The following SAMSN1 variants were observed in gnomAD, a reference collection of about 807,000 sequenced individuals.
The protein encoded by SAMSN1 is SAM domain-containing protein SAMSN-1.
In SAMSN1, 31 loss-of-function variants were observed where a neutral mutation model predicts 42.0. That is an observed-to-expected ratio of 0.74 (90% CI 0.55 to 1.00). The LOEUF (loss-of-function observed/expected upper bound fraction) is 1.00, where lower values mean the gene tolerates loss of function less well. Among genes scored for constraint, SAMSN1 ranks in the 50% least tolerant of loss-of-function variants. The pLI is 0.00. For missense variants in SAMSN1, 464 were observed against 439.4 expected (o/e 1.06, Z -0.50); for synonymous variants, 178 against 151.9 (o/e 1.17, Z -1.26).
intron 1 of SAMSN1, chr21:14,583,312 G>A (rs2822791): frequency 0.074 from 14,985 of 202,382 alleles, 1,662 homozygotes; most frequent in African/African-American, 0.27. Flanking sequence ...TGCATGCCAT[G>A]GACATACCAA....
chr21:14,623,803 C>T (rs1983085808), intron 2 of SAMSN1, among the ~76,000 whole-genome samples: 1 of 152,158 alleles, frequency 6.6e-6, no homozygotes, highest in South Asian at 2.1e-4. Flanking sequence ...AACTCTCCAC[C>T]CCAATTCAAC....
In SAMSN1 at chr21:14,486,064, T is replaced by C; in HGVS notation, c.970A>G (p.Ile324Val). The change falls in exon 8 of 8, where the codon ATC becomes GTC. Residue 324 changes from isoleucine (I) to valine (V), a missense_variant. By Grantham distance (29) the Ile-to-Val change is conservative (BLOSUM62 3). Coordinates refer to ENST00000400566, the MANE Select transcript of SAMSN1 (RefSeq NM_022136.5). ...EPEPLSLSSD[I>V]SLNKSQLDDC... ...TCTAACTGTGACTTATTTAAGGAGATGTCTGAGCTCAAGGATAGGGGCTCA... is the reference window on the plus strand; with the variant it reads ...TCTAACTGTGACTTATTTAAGGAGACGTCTGAGCTCAAGGATAGGGGCTCA... 1 of 1,613,716 alleles carries C rather than the reference T, an allele frequency of 6.2e-7. No individual in the cohort carries two copies. Among genetic ancestry groups the C allele is most frequent in the African/African-American group, 1.3e-5 (1 of 75,012 alleles).
At chr21:14,579,384 C>G (rs1376019968) in intron 2 of SAMSN1, among the ~76,000 whole-genome samples, 1 of 152,058 alleles carries the variant, frequency 6.6e-6, no homozygotes, top group East Asian at 1.9e-4. Context: ...AAAAATATGA[C>G]TGTTGTGTAT....
At chr21:14,500,138 C>T (rs966941985) in intron 6 of SAMSN1, among the ~76,000 whole-genome samples, 6 of 152,048 alleles carry the variant, frequency 3.9e-5, no homozygotes, top group Admixed American at 6.6e-5. Context: ...TTGATCTCTG[C>T]TTGGTAGAAA....
At chr21:14,649,841 GA>G (rs1167022182) in intron 1 of SAMSN1, among the ~76,000 whole-genome samples, 1 of 150,278 alleles carries the variant, frequency 6.7e-6, no homozygotes, top group African/African-American at 2.5e-5. Flanking sequence ...TGAAGGGATG[GA>G]AAAAGATATT....
At chr21:14,612,837 A>G (rs1413078287) in intron 4 of SAMSN1, 1 of 693,446 alleles carries the variant, frequency 1.4e-6, no homozygotes, top group East Asian at 2.7e-5. Flanking sequence ...GGGGAGACAG[A>G]ATACATCGTT....
At chr21:14,563,183 A>G (rs544740409) in intron 2 of SAMSN1, among the ~76,000 whole-genome samples, 1 of 152,300 alleles carries the variant, frequency 6.6e-6, no homozygotes, top group East Asian at 1.9e-4. Context: ...CTGAGACACA[A>G]CATGTCTTTG....
intron 2 of SAMSN1, among the ~76,000 whole-genome samples, chr21:14,570,953 C>T (rs150851236): frequency 2.4e-3 from 365 of 152,290 alleles, no homozygotes; most frequent in African/African-American, 8.3e-3. Flanking sequence ...TCAGGCTTAC[C>T]TTATCCCACA....
chr21:14,494,381 TA>T (rs1253634163), intron 7 of SAMSN1, among the ~76,000 whole-genome samples: 1 of 151,982 alleles, frequency 6.6e-6, no homozygotes, highest in Non-Finnish European at 1.5e-5. Context: ...TACGCAGCCA[TA>T]AAAAAGGATG....
rs535430971 is a variant in SAMSN1 at position 14,650,179 on chromosome 21, T to C, written c.25-7046A>G. Among the ~76,000 whole-genome samples the C allele has an allele frequency of 2.0e-5, 3 of 152,260 alleles. No homozygotes were observed. The South Asian group carries it at 6.2e-4, about 32-fold the overall frequency. ...GAAACATCAGACTGAATCTTCACTATAGAGTAAATTGATCTAATAGATATT... is the reference window on the plus strand; with the variant it reads ...GAAACATCAGACTGAATCTTCACTACAGAGTAAATTGATCTAATAGATATT... On this transcript the variant is annotated intron_variant, in intron 1 of 15. Transcript: ENST00000647101.
At chr21:14,635,311 A>G (rs1308099186) in intron 2 of SAMSN1, among the ~76,000 whole-genome samples, 1 of 152,222 alleles carries the variant, frequency 6.6e-6, no homozygotes, top group East Asian at 1.9e-4. Context: ...ACAACCCTGC[A>G]TGTCCTGCAC....
chr21:14,504,699 A>T (rs1425499958), intron 5 of SAMSN1, among the ~76,000 whole-genome samples: 1 of 152,228 alleles, frequency 6.6e-6, no homozygotes, highest in African/African-American at 2.4e-5. Context: ...AATCAAGGAA[A>T]ACTTCCCTGG....
chr21:14,619,364 G>T (rs1982940438), intron 2 of SAMSN1, among the ~76,000 whole-genome samples: 1 of 152,196 alleles, frequency 6.6e-6, no homozygotes, highest in South Asian at 2.1e-4. Context: ...AGCAATTGAT[G>T]ATGTAAATCC....
intron 5 of SAMSN1, among the ~76,000 whole-genome samples, chr21:14,608,130 A>T (rs1982612326): frequency 2.0e-5 from 3 of 152,136 alleles, no homozygotes; most frequent in African/African-American, 7.2e-5. Context: ...ACAAGAGAGC[A>T]CCTCCATAAG....
At chr21:14,643,929 C>A (rs1225672300) in intron 1 of SAMSN1, among the ~76,000 whole-genome samples, 1 of 152,156 alleles carries the variant, frequency 6.6e-6, no homozygotes, top group Non-Finnish European at 1.5e-5. Flanking sequence ...AGAAAGAAAA[C>A]CCAGACCAAA....
intron 5 of SAMSN1, among the ~76,000 whole-genome samples, chr21:14,503,946 C>T (rs541493879): frequency 1.3e-5 from 2 of 152,244 alleles, no homozygotes; most frequent in South Asian, 2.1e-4. Flanking sequence ...GCAGACAACC[C>T]TTAGTACCAG....
chr21:14,639,874 T>G (rs1009142096), intron 2 of SAMSN1, among the ~76,000 whole-genome samples: 9 of 152,066 alleles, frequency 5.9e-5, no homozygotes, highest in African/African-American at 2.2e-4. Flanking sequence ...TTATTTCTCT[T>G]TTAAACATTT....
chr21:14,540,400 A>G (rs919418945), intron 1 of SAMSN1, among the ~76,000 whole-genome samples: 4 of 152,184 alleles, frequency 2.6e-5, no homozygotes, highest in Admixed American at 2.6e-4. Flanking sequence ...TCATCTGACA[A>G]AGCGCTAATA....
At chr21:14,560,729 A>T (rs757336484) in intron 2 of SAMSN1, among the ~76,000 whole-genome samples, 5 of 152,130 alleles carry the variant, frequency 3.3e-5, no homozygotes, top group Admixed American at 2.0e-4. Context: ...TCTAACCACA[A>T]ATCTAACTGT....
Sources: gnomAD v4.1 joint callset for allele counts (sites outside exome capture counted in the v4.1 genomes callset) on GRCh38, gnomAD v4.1.1 for gene constraint, MANE v1.5 for transcripts, NCBI Gene and HGNC (gene_info 2026-07-23, HGNC 2026-07-21) for gene names.